The following PVT1 variants were observed in gnomAD, a reference collection of about 807,000 sequenced individuals.
PVT1 encodes CXCR4/PVT1 fusion.
intron 3 of PVT1, among the ~76,000 whole-genome samples, chr8:127,917,871 GC>G (rs35021100): frequency 6.6e-6 from 1 of 152,264 alleles, no homozygotes; most frequent in African/African-American, 2.4e-5. Context: ...CAGGCCAGCT[GC>G]CCCTCAGAGT....
chr8:128,013,986 C>T (rs1040522067), intron 4 of PVT1, among the ~76,000 whole-genome samples: 5 of 152,170 alleles, frequency 3.3e-5, no homozygotes, highest in South Asian at 4.1e-4. Context: ...GAACTATAGA[C>T]ACGTATATGA....
At chr8:127,917,999 C>T (rs187762866) in intron 3 of PVT1, among the ~76,000 whole-genome samples, 1 of 152,380 alleles carries the variant, frequency 6.6e-6, no homozygotes, top group Admixed American at 6.5e-5. Context: ...TGCCCCGTAG[C>T]AGATGAAAGA....
At chr8:128,024,092 G>A (rs1048016839) in intron 4 of PVT1, among the ~76,000 whole-genome samples, 2 of 152,130 alleles carry the variant, frequency 1.3e-5, no homozygotes, top group Non-Finnish European at 2.9e-5. Flanking sequence ...CACAGCAAAG[G>A]ACAGCCTCTT....
Position 128,015,152 on chromosome 8 carries a change from C to T in PVT1, n.912+25861C>T, listed in dbSNP as rs568971959. ...TTGCCCAGGCTGGAGTACAGTGGTG[C>T]GATCTCAGCTAACTGCAACCTCTGG... On this transcript the variant is annotated intron_variant and non_coding_transcript_variant, in intron 4 of 10. Transcript: ENST00000651587. Among the ~76,000 whole-genome samples the T allele has an allele frequency of 1.5e-4, 23 of 151,850 alleles. No homozygotes were observed. In the South Asian group the frequency reaches 2.7e-3, roughly 18 times the overall value.
intron 4 of PVT1, among the ~76,000 whole-genome samples, chr8:128,041,488 A>T (rs1813542066): frequency 7.8e-6 from 1 of 127,912 alleles, no homozygotes; most frequent in Non-Finnish European, 1.6e-5. Flanking sequence ...CCTGGTGCGT[A>T]TGTGTTTGGT....
chr8:128,050,003 G>A (rs74812654), intron 4 of PVT1, among the ~76,000 whole-genome samples: 8 of 152,136 alleles, frequency 5.3e-5, no homozygotes, highest in South Asian at 2.1e-4. Flanking sequence ...GGAGATGACC[G>A]ATGATCACGT....
chr8:127,872,847 C>T (rs1480169298), intron 2 of PVT1, among the ~76,000 whole-genome samples: 2 of 152,160 alleles, frequency 1.3e-5, no homozygotes, highest in Non-Finnish European at 2.9e-5. Flanking sequence ...CACAGTGGTC[C>T]CTGGTCCTTT....
At chr8:128,086,249 G>T (rs1471300414) in intron 5 of PVT1, among the ~76,000 whole-genome samples, 1 of 152,162 alleles carries the variant, frequency 6.6e-6, no homozygotes, top group Non-Finnish European at 1.5e-5. Context: ...ATGGGCAGAG[G>T]GGGGTCTAGG....
intron 5 of PVT1, among the ~76,000 whole-genome samples, chr8:128,073,044 G>C (rs1268199342): frequency 6.6e-6 from 1 of 152,006 alleles, no homozygotes; most frequent in Non-Finnish European, 1.5e-5. Context: ...ATGTTGGCCA[G>C]GCTGGTCTCG....
At chr8:127,910,460 G>A (rs1563636814) in intron 3 of PVT1, among the ~76,000 whole-genome samples, 1 of 152,202 alleles carries the variant, frequency 6.6e-6, no homozygotes, top group South Asian at 2.1e-4. Context: ...ATGATCACAT[G>A]TGTAGGAAGC....
chr8:127,896,883 A>C (rs1815685801), intron 3 of PVT1, among the ~76,000 whole-genome samples: 1 of 145,632 alleles, frequency 6.9e-6, no homozygotes, highest in Non-Finnish European at 1.5e-5. Flanking sequence ...TCTATTTGTT[A>C]CTCTAATGCT....
chr8:127,887,590 A>T (rs1815540199), intron 2 of PVT1, among the ~76,000 whole-genome samples: 1 of 152,022 alleles, frequency 6.6e-6, no homozygotes, highest in Non-Finnish European at 1.5e-5. Flanking sequence ...CAGTGGTGTA[A>T]TCTTGGTTCA....
At chr8:128,100,095 TTCCC>T (rs1280732927) in intron 6 of PVT1, among the ~76,000 whole-genome samples, 2 of 150,312 alleles carry the variant, frequency 1.3e-5, no homozygotes, top group Non-Finnish European at 3.0e-5. Flanking sequence ...TAAATTCTCC[TTCCC>T]TCCCTCCCTC....
chr8:127,868,792 T>TA (rs1815317447), intron 2 of PVT1, among the ~76,000 whole-genome samples: 1 of 37,220 alleles, frequency 2.7e-5, no homozygotes, highest in African/African-American at 6.4e-5. Context: ...TATATATATA[T>TA]ACATATATAT....
intron 4 of PVT1, among the ~76,000 whole-genome samples, chr8:128,047,701 G>C (rs1813635570): frequency 6.6e-6 from 1 of 152,178 alleles, no homozygotes; most frequent in South Asian, 2.1e-4. Context: ...ATGCTCATTA[G>C]TTAGTGATTG....
chr8:127,932,155 C>T (rs929507164), intron 3 of PVT1, among the ~76,000 whole-genome samples: 1 of 152,188 alleles, frequency 6.6e-6, no homozygotes, highest in African/African-American at 2.4e-5. Flanking sequence ...CTGGGAATGC[C>T]GTGCACTCCC....
intron 2 of PVT1, among the ~76,000 whole-genome samples, chr8:127,828,454 T>A (rs1227281571): frequency 1.3e-5 from 2 of 152,204 alleles, no homozygotes; most frequent in Non-Finnish European, 2.9e-5. Context: ...TGGCCTCTCC[T>A]TTTCTCTTCT....
chr8:127,951,501 G>A (rs947555109), intron 3 of PVT1, among the ~76,000 whole-genome samples: 3 of 152,150 alleles, frequency 2.0e-5, no homozygotes, highest in Non-Finnish European at 2.9e-5. Flanking sequence ...TCTGAGGGAC[G>A]TCAGATCACA....
chr8:128,052,419 C>G (rs1499373), intron 4 of PVT1, among the ~76,000 whole-genome samples: 43,479 of 152,022 alleles, frequency 0.29, 6,876 homozygotes, highest in East Asian at 0.49. Context: ...ATGTGAAACT[C>G]TTATTCCTAC....
Sources: gnomAD v4.1 joint callset for allele counts (sites outside exome capture counted in the v4.1 genomes callset) on GRCh38, gnomAD v4.1.1 for gene constraint, MANE v1.5 for transcripts, NCBI Gene and HGNC (gene_info 2026-07-23, HGNC 2026-07-21) for gene names.